The following ADAMTS14 variants were observed in gnomAD, a reference collection of about 807,000 sequenced individuals.
ADAMTS14 encodes the protein ADAM metallopeptidase with thrombospondin type 1 motif 14, also known as A disintegrin and metalloproteinase with thrombospondin motifs 14.
In ADAMTS14, 100 loss-of-function variants were observed where a neutral mutation model predicts 128.6. That is an observed-to-expected ratio of 0.78 (90% CI 0.66 to 0.92). ADAMTS14 has a LOEUF of 0.92. Ranked by LOEUF, ADAMTS14 falls within the 40% of genes least tolerant of loss-of-function variation. The probability of loss-of-function intolerance (pLI) is 0.00; values close to 1 mark genes in which losing one functional copy is unlikely to be tolerated. For synonymous variants in ADAMTS14, 665 were observed against 653.8 expected (o/e 1.02, Z -0.26); for missense variants, 1,562 against 1,658.6 (o/e 0.94, Z 1.01).
At position 70,758,194 on chromosome 10, in the gene ADAMTS14, G is replaced by A. The variant is rs148496606; in HGVS notation, c.3087G>A (p.Thr1029=). ...PACGGNHQNS[T]VRADVWELGT... is the part of the protein sequence containing the mutation. Reference sequence around the variant, plus strand: ...TCACAGGAAATCACCAGAACTCCACGGTGAGGGCCGATGTCTGGGAACTTG... The same window carrying A: ...TCACAGGAAATCACCAGAACTCCACAGTGAGGGCCGATGTCTGGGAACTTG... Residue 1029 remains threonine, a synonymous_variant, in exon 21 of 22, where the codon ACG becomes ACA. Transcript: ENST00000373207. 65 of 1,614,088 alleles carry A rather than the reference G, an allele frequency of 4.0e-5. No individual in the cohort carries two copies. The highest frequency in any genetic ancestry group is 8.0e-5 in the African/African-American group (6 of 74,942).
intron 4 of ADAMTS14, among the ~76,000 whole-genome samples, chr10:70,718,474 G>A (rs997221667): frequency 6.6e-6 from 1 of 150,582 alleles, no homozygotes; most frequent in African/African-American, 2.5e-5. Flanking sequence ...TGCAACCTCC[G>A]TCTCGCAGGT....
chr10:70,721,682 T>C (rs548668161), intron 4 of ADAMTS14, among the ~76,000 whole-genome samples: 7 of 152,254 alleles, frequency 4.6e-5, no homozygotes, highest in Non-Finnish European at 8.8e-5. Context: ...CCACTGCGCC[T>C]GGCCTATCAT....
chr10:70,744,432 G>A (rs753867380), intron 14 of ADAMTS14, among the ~76,000 whole-genome samples: 9 of 152,222 alleles, frequency 5.9e-5, no homozygotes, highest in African/African-American at 9.6e-5. Context: ...ACATTTTCCC[G>A]CTAGGTAAAG....
At chr10:70,739,148 A>G (rs1841919751) in intron 11 of ADAMTS14, among the ~76,000 whole-genome samples, 158 bp downstream of exon 11, 1 of 152,122 alleles carries the variant, frequency 6.6e-6, no homozygotes. Flanking sequence ...TGGTGGAGGC[A>G]GATCACTCCT....
chr10:70,693,623 G>A (rs1840251571), intron 2 of ADAMTS14, among the ~76,000 whole-genome samples: 1 of 152,198 alleles, frequency 6.6e-6, no homozygotes, highest in African/African-American at 2.4e-5. Flanking sequence ...TGAGAGTGGT[G>A]GAGCCAGCAT....
intron 21 of ADAMTS14, among the ~76,000 whole-genome samples, chr10:70,760,067 C>A (rs1247147669): frequency 6.6e-6 from 1 of 151,358 alleles, no homozygotes; most frequent in African/African-American, 2.4e-5. Flanking sequence ...CTGGGTGGTG[C>A]TGGAGGATGT....
chr10:70,760,386 G>A lies in ADAMTS14; in HGVS notation c.3205G>A (p.Val1069Ile). 1 of 1,595,802 alleles carries A rather than the reference G, an allele frequency of 6.3e-7. No individual in the cohort carries two copies. Among genetic ancestry groups the A allele is most frequent in the Admixed American group, 1.7e-5 (1 of 58,908 alleles). ...STEPCTGDRS[V>I]FCQMEVLDRY... ...GGAGCCCTGCACGGGAGACAGGTCT[G>A]TCTTCTGCCAGATGGAAGTGCTCGA... The change falls in exon 22 of 22, where the codon GTC (valine) becomes ATC (isoleucine). Residue 1069 changes from valine to isoleucine, a missense_variant. Physicochemically the swap from Val to Ile is conservative, Grantham distance 29. Coordinates refer to ENST00000373207, the MANE Select transcript of ADAMTS14 (RefSeq NM_080722.4).
intron 2 of ADAMTS14, among the ~76,000 whole-genome samples, chr10:70,701,598 T>A (rs916054343): frequency 6.6e-6 from 1 of 152,228 alleles, no homozygotes; most frequent in Non-Finnish European, 1.5e-5. Flanking sequence ...CACTGGGGGA[T>A]AATAACACAT....
In ADAMTS14 at chr10:70,674,632, C is replaced by T. The variant is rs751798747; in HGVS notation, c.159C>T (p.Leu53=). The T allele has an allele frequency of 6.8e-6, 11 of 1,613,778 alleles. No homozygotes were observed. In the East Asian group the frequency reaches 2.0e-4, roughly 29 times the overall value. ...GCACAGACTTTCGGGGACGCTTCCT[C>T]TCCCACGTGGTGTCTGGCCCAGCAG... ...PCSTDFRGRF[L]SHVVSGPAAA... The change falls in exon 2 of 22, where the codon CTC becomes CTT. Residue 53 remains leucine, a synonymous_variant. Coordinates refer to ENST00000373207, the MANE Select transcript of ADAMTS14 (RefSeq NM_080722.4).
At chr10:70,703,444 C>T (rs956169470) in intron 3 of ADAMTS14, among the ~76,000 whole-genome samples, 5 of 152,190 alleles carry the variant, frequency 3.3e-5, no homozygotes, top group South Asian at 2.1e-4. Flanking sequence ...ACAGTGCATC[C>T]GTTGAAGCTC....
At chr10:70,759,593 G>A (rs984503402) in intron 21 of ADAMTS14, among the ~76,000 whole-genome samples, 4 of 152,232 alleles carry the variant, frequency 2.6e-5, no homozygotes, top group African/African-American at 9.7e-5. Context: ...GAGGCTTGGA[G>A]GGTTTAAGTG....
At chr10:70,685,051 C>T (rs1839916766) in intron 2 of ADAMTS14, among the ~76,000 whole-genome samples, 1 of 152,268 alleles carries the variant, frequency 6.6e-6, no homozygotes, top group African/African-American at 2.4e-5. Context: ...CCAGCAAGGG[C>T]TGGTTTTATT....
At chr10:70,693,416 T>C (rs923341837) in intron 2 of ADAMTS14, among the ~76,000 whole-genome samples, 1 of 152,160 alleles carries the variant, frequency 6.6e-6, no homozygotes, top group African/African-American at 2.4e-5. Flanking sequence ...GGGGCTTCCA[T>C]GCATGCTTCA....
At chr10:70,677,538 A>G (rs192004628) in intron 2 of ADAMTS14, among the ~76,000 whole-genome samples, 30 of 152,276 alleles carry the variant, frequency 2.0e-4, no homozygotes, top group Non-Finnish European at 4.0e-4. Flanking sequence ...TAGCTGGTAT[A>G]GAACTGAGGC....
chr10:70,705,200 G>T (rs1840624212), intron 3 of ADAMTS14, among the ~76,000 whole-genome samples: 1 of 152,232 alleles, frequency 6.6e-6, no homozygotes. Context: ...TGGGCCACCA[G>T]GCTCAAGCTG....
intron 2 of ADAMTS14, among the ~76,000 whole-genome samples, chr10:70,683,968 A>G (rs1423397302): frequency 6.6e-6 from 1 of 152,174 alleles, no homozygotes; most frequent in African/African-American, 2.4e-5. Context: ...CTGCTATAAA[A>G]AAATAACTGA....
chr10:70,758,046 G>T lies in ADAMTS14; in HGVS notation c.3022G>T (p.Asp1008Tyr), dbSNP rs267602565. The change falls in exon 20 of 22, where the codon GAT (aspartate) becomes TAT (tyrosine). Residue 1008 changes from aspartate (D) to tyrosine (Y), a missense_variant. Asp to Tyr is a radical substitution (Grantham distance 160). Coordinates refer to ENST00000373207, the MANE Select transcript of ADAMTS14 (RefSeq NM_080722.4). The stretch of plus-strand genomic sequence containing the variant: ...CAACAGCCTCGGGCATTGCGAGGGG[G>T]ATAGGCCAGACACTGTCCAGGTCTG... ...NANSLGHCEGDRPDTVQVCSL... is the reference protein window; with the variant it reads ...NANSLGHCEGYRPDTVQVCSL... 3 of 1,613,636 alleles carry T rather than the reference G, an allele frequency of 1.9e-6. No individual in the cohort carries two copies. The highest frequency in any genetic ancestry group is 2.7e-5 in the African/African-American group (2 of 74,942).
chr10:70,701,759 C>T (rs77662359), intron 2 of ADAMTS14, among the ~76,000 whole-genome samples: 10,810 of 152,244 alleles, frequency 0.071, 506 homozygotes, highest in East Asian at 0.17. Context: ...TGCCCTCCTC[C>T]CCGGCCTCCA....
At chr10:70,677,474 G>T (rs1839680649) in intron 2 of ADAMTS14, among the ~76,000 whole-genome samples, 1 of 152,186 alleles carries the variant, frequency 6.6e-6, no homozygotes. Context: ...ATTTGCTGAA[G>T]CCGGATCGGG....
Sources: allele counts gnomAD v4.1 joint callset (sites outside exome capture counted in the v4.1 genomes callset), GRCh38; gene constraint gnomAD v4.1.1; transcripts MANE v1.5; gene names NCBI Gene and HGNC (gene_info 2026-07-23, HGNC 2026-07-21).